SLC39A11: variants seen among roughly 807,000 people sequenced by gnomAD.
The protein encoded by SLC39A11 is solute carrier family 39 member 11, also known as zinc transporter ZIP11.
A neutral mutation model predicts 36.1 loss-of-function variants in SLC39A11; 33 were observed. That is an observed-to-expected ratio of 0.91 (90% CI 0.69 to 1.22). The LOEUF is 1.22. Ranked by LOEUF, SLC39A11 falls within the 50% of genes most tolerant of loss-of-function variation. SLC39A11 has a pLI of 0.00. For synonymous variants in SLC39A11, 166 were observed against 170.3 expected (o/e 0.97, Z 0.20); for missense variants, 432 against 430.3 (o/e 1.00, Z -0.03).
chr17:73,000,874 A>C (rs1490139050), intron 4 of SLC39A11, among the ~76,000 whole-genome samples: 1 of 152,234 alleles, frequency 6.6e-6, no homozygotes, highest in Non-Finnish European at 1.5e-5. Flanking sequence ...GGATATTAGA[A>C]GAAAACTTTA....
chr17:72,818,833 T>G (rs915853004), intron 6 of SLC39A11: 4 of 152,240 alleles, frequency 2.6e-5, no homozygotes, highest in African/African-American at 7.2e-5. Context: ...TTACAAGTTT[T>G]TTTAATGTCA....
chr17:72,920,576 T>TAC (rs1012004650), intron 5 of SLC39A11, among the ~76,000 whole-genome samples: 2 of 150,884 alleles, frequency 1.3e-5, no homozygotes, highest in Non-Finnish European at 3.0e-5. Context: ...TTAAACCCCA[T>TAC]ACACACACAC....
intron 7 of SLC39A11, among the ~76,000 whole-genome samples, chr17:72,665,054 C>A (rs1403438377): frequency 6.6e-6 from 1 of 152,304 alleles, no homozygotes; most frequent in South Asian, 2.1e-4. Flanking sequence ...TCATAAAAGG[C>A]TTGTAGCTTC....
Position 72,715,537 on chromosome 17 carries a change from G to A in SLC39A11, c.671+21113C>T, listed in dbSNP as rs148823167. On this transcript the variant is annotated intron_variant, in intron 7 of 9. Coordinates refer to ENST00000255559, the MANE Select transcript of SLC39A11 (RefSeq NM_139177.4). Reference sequence around the variant, plus strand: ...GACATTATGCTAAGTGAAATAGGACGGACACAAAGGGACAAATACTGTGTG... The same window carrying A: ...GACATTATGCTAAGTGAAATAGGACAGACACAAAGGGACAAATACTGTGTG... Among the ~76,000 whole-genome samples, 272 of 152,202 alleles carry A rather than the reference G, an allele frequency of 1.8e-3. 2 individuals carry two copies. The highest frequency in any genetic ancestry group is 6.3e-3 in the African/African-American group (262 of 41,508).
At chr17:72,658,373 G>GGTA (rs1038680854) in intron 7 of SLC39A11, among the ~76,000 whole-genome samples, 6 of 152,196 alleles carry the variant, frequency 3.9e-5, no homozygotes, top group Non-Finnish European at 8.8e-5. Flanking sequence ...CCGGGTGCTA[G>GGTA]GTAAGAAGGG....
intron 7 of SLC39A11, among the ~76,000 whole-genome samples, chr17:72,666,907 G>GT (rs1019516561): frequency 6.6e-6 from 1 of 152,142 alleles, no homozygotes; most frequent in African/African-American, 2.4e-5. Flanking sequence ...ATGATTTGAG[G>GT]TTTCAGGGGC....
chr17:72,762,503 C>G (rs949823884), intron 6 of SLC39A11, among the ~76,000 whole-genome samples: 1 of 152,194 alleles, frequency 6.6e-6, no homozygotes, highest in Non-Finnish European at 1.5e-5. Flanking sequence ...AATAATCCAC[C>G]CCTTGTTTAG....
intron 5 of SLC39A11, among the ~76,000 whole-genome samples, chr17:72,930,875 C>T (rs2084349761): frequency 6.6e-6 from 1 of 152,140 alleles, no homozygotes; most frequent in Non-Finnish European, 1.5e-5. Context: ...ATCTCGTTTT[C>T]CAAAGAGAGG....
At chr17:72,846,017 T>TC in intron 6 of SLC39A11, among the ~76,000 whole-genome samples, 1 of 120,048 alleles carries the variant, frequency 8.3e-6, no homozygotes, top group African/African-American at 3.9e-5. Flanking sequence ...TCTCTCTCTC[T>TC]CTTTTTTTTT....
intron 3 of SLC39A11, among the ~76,000 whole-genome samples, chr17:73,042,244 G>A (rs951382194): frequency 2.0e-5 from 3 of 152,196 alleles, no homozygotes; most frequent in South Asian, 2.1e-4. Flanking sequence ...AATTTTTCTC[G>A]TAACAAATAG....
chr17:72,738,791 C>G (rs1383404592), intron 6 of SLC39A11, among the ~76,000 whole-genome samples: 1 of 152,158 alleles, frequency 6.6e-6, no homozygotes, highest in African/African-American at 2.4e-5. Context: ...ATGAGAGGAA[C>G]TCGTTTTCTT....
chr17:72,959,325 G>GTGTGTATATATATATATATATATA (rs1436484912), intron 4 of SLC39A11, among the ~76,000 whole-genome samples: 1 of 65,548 alleles, frequency 1.5e-5, no homozygotes, highest in African/African-American at 6.9e-5. Context: ...GTGTGTGTGT[G>GTGTGTATATATATATATATATATA]TATATATATA....
intron 5 of SLC39A11, among the ~76,000 whole-genome samples, chr17:72,908,914 T>G (rs1429628758): frequency 6.6e-6 from 1 of 152,112 alleles, no homozygotes; most frequent in Non-Finnish European, 1.5e-5. Context: ...CCACTCCCTC[T>G]CCAAGGCACG....
At chr17:73,045,611 T>G (rs1434768847) in intron 3 of SLC39A11, among the ~76,000 whole-genome samples, 1 of 152,178 alleles carries the variant, frequency 6.6e-6, no homozygotes, top group East Asian at 1.9e-4. Flanking sequence ...TAGGCTTTTT[T>G]GTTTGAGTTC....
intron 6 of SLC39A11, among the ~76,000 whole-genome samples, chr17:72,753,963 A>ACAGC (rs2075256071): frequency 6.7e-6 from 1 of 149,202 alleles, no homozygotes; most frequent in African/African-American, 2.5e-5. Context: ...AAATGTGGAA[A>ACAGC]CAGCCCAAAT....
chr17:72,725,704 C>T (rs1481415906), intron 7 of SLC39A11: 1 of 152,180 alleles, frequency 6.6e-6, no homozygotes, highest in Non-Finnish European at 1.5e-5. Context: ...CTTTCAAATT[C>T]CACTGTCTCT....
intron 5 of SLC39A11, among the ~76,000 whole-genome samples, chr17:72,917,788 G>C (rs1324906101): frequency 6.6e-6 from 1 of 152,198 alleles, no homozygotes; most frequent in African/African-American, 2.4e-5. Flanking sequence ...AGTAGGTCAG[G>C]ATTAATGAGT....
At chr17:72,893,248 G>C (rs1279485734) in intron 5 of SLC39A11, among the ~76,000 whole-genome samples, 1 of 152,158 alleles carries the variant, frequency 6.6e-6, no homozygotes, top group Non-Finnish European at 1.5e-5. Flanking sequence ...AGATTGCGAG[G>C]TCAAGAGTTC....
chr17:72,998,714 T>C (rs2089654370), intron 4 of SLC39A11, among the ~76,000 whole-genome samples: 1 of 152,218 alleles, frequency 6.6e-6, no homozygotes, highest in African/African-American at 2.4e-5. Context: ...TTTTGACACA[T>C]GCAGCTGCTT....
Sources: gnomAD v4.1 joint callset for allele counts (sites outside exome capture counted in the v4.1 genomes callset) on GRCh38, gnomAD v4.1.1 for gene constraint, MANE v1.5 for transcripts, NCBI Gene and HGNC (gene_info 2026-07-23, HGNC 2026-07-21) for gene names.